The following ANKRD42 variants were observed in gnomAD, a reference collection of about 807,000 sequenced individuals.
ANKRD42 encodes ankyrin repeat domain-containing protein 42.
ANKRD42 carries 43 observed loss-of-function variants against 51.5 expected under a neutral mutation model. The ratio of observed to expected loss-of-function variants is 0.83; its 90% CI spans 0.65 to 1.08. ANKRD42 has a LOEUF of 1.08. ANKRD42 is among the 50% of genes least tolerant of loss of function. The pLI is 0.00. For synonymous variants in ANKRD42, 203 were observed against 213.0 expected, an observed-to-expected ratio of 0.95 and a Z score of 0.41; for missense variants, 608 against 629.3, an observed-to-expected ratio of 0.97 and a Z score of 0.36.
chr11:83,256,140 T>C (rs887681539), downstream of ANKRD42: 17 of 374,928 alleles, frequency 4.5e-5, no homozygotes, highest in African/African-American at 3.1e-4. Flanking sequence ...ATTCTTCTTA[T>C]ATATCTCTAC....
chr11:83,206,223 A>T, intron 3 of ANKRD42, 58 bp downstream of exon 3: 1 of 1,329,656 alleles, frequency 7.5e-7, no homozygotes, highest in Non-Finnish European at 1.1e-6. Context: ...CTGTTGGGAT[A>T]TTGCTATTAT....
At chr11:83,219,008 C>CT (rs1054989044) in intron 5 of ANKRD42, among the ~76,000 whole-genome samples, 2 of 152,144 alleles carry the variant, frequency 1.3e-5, no homozygotes, top group Non-Finnish European at 2.9e-5. Flanking sequence ...TTAGCCGCTT[C>CT]TTTTTTAAGG....
At chr11:83,253,560 T>C (rs1012973453), downstream of ANKRD42, among the ~76,000 whole-genome samples, 2 of 152,238 alleles carry the variant, frequency 1.3e-5, no homozygotes, top group African/African-American at 4.8e-5. Flanking sequence ...AGGATTTTTG[T>C]CTAATTTTGT....
intron 5 of ANKRD42, among the ~76,000 whole-genome samples, chr11:83,219,523 C>T (rs755302619): frequency 1.4e-4 from 21 of 152,138 alleles, no homozygotes; most frequent in Non-Finnish European, 5.9e-5. Context: ...TAGGCCAGGG[C>T]CAAGAGAACA....
At chr11:83,253,284 C>T (rs1205019553), downstream of ANKRD42, among the ~76,000 whole-genome samples, 1 of 152,118 alleles carries the variant, frequency 6.6e-6, no homozygotes, top group Non-Finnish European at 1.5e-5. Flanking sequence ...TTTGTTTATA[C>T]CCTACTTTTT....
At chr11:83,246,714 C>T (rs773780455) in intron 10 of ANKRD42, among the ~76,000 whole-genome samples, 4 of 152,190 alleles carry the variant, frequency 2.6e-5, no homozygotes, top group Non-Finnish European at 4.4e-5. Context: ...CTTTCCTCCA[C>T]CTGTTTCCAA....
downstream of ANKRD42, chr11:83,260,209 A>T (rs1021991198): frequency 9.2e-5 from 14 of 152,136 alleles, no homozygotes; most frequent in East Asian, 7.7e-4. Context: ...ACAAACCAAT[A>T]ATTTACTTGT....
In ANKRD42 at chr11:83,234,761, G is replaced by A. The variant is rs979611790; in HGVS notation, c.914-1643G>A. Among the ~76,000 whole-genome samples, 27 of 152,146 alleles carry A rather than the reference G, an allele frequency of 1.8e-4. 1 individual carries two copies. Among genetic ancestry groups the A allele is most frequent in the Non-Finnish European group, 8.8e-5 (6 of 68,040 alleles). On this transcript the variant is annotated intron_variant, in intron 7 of 10. Coordinates refer to ENST00000533342, the MANE Select transcript of ANKRD42 (RefSeq NM_001300975.2). The stretch of plus-strand genomic sequence containing the variant: ...GTCTAAAGTGGGGTTTTTAATAGAG[G>A]TCTGAGAAATCCTGAAGTTTCTGTG...
chr11:83,194,525 C>A lies in ANKRD42; in HGVS notation c.-146C>A, dbSNP rs1368739014. 4 of 770,906 alleles carry A rather than the reference C, an allele frequency of 5.2e-6. No individual in the cohort carries two copies. In the South Asian group the frequency reaches 5.8e-5, roughly 11 times the overall value. 47.8% of individuals were successfully genotyped at this position (770,906 alleles called of 1,614,324 possible). A position where few individuals can be genotyped will look rare whatever the true frequency, so the allele number is the denominator to read the frequency against. On this transcript the variant is annotated 5_prime_UTR_variant, in exon 1 of 11. Coordinates refer to ENST00000533342, the MANE Select transcript of ANKRD42 (RefSeq NM_001300975.2). ...TTCCGCTGCAGCTTCTGGGAGAGAG[C>A]AAGAGAGGACCTTGGGCCCCGTCCT... is the stretch of plus-strand genomic sequence containing the variant.
chr11:83,212,073 T>C (rs904255867), intron 5 of ANKRD42, among the ~76,000 whole-genome samples: 2 of 152,066 alleles, frequency 1.3e-5, no homozygotes, highest in East Asian at 3.9e-4. Context: ...AGACAACTTA[T>C]TTATTTTTAA....
At chr11:83,215,678 G>C (rs184642796) in intron 5 of ANKRD42, among the ~76,000 whole-genome samples, 69 of 152,170 alleles carry the variant, frequency 4.5e-4, no homozygotes, top group African/African-American at 1.4e-3. Flanking sequence ...AAGAGATGAC[G>C]ACTTACCTTA....
intron 1 of ANKRD42, among the ~76,000 whole-genome samples, chr11:83,194,936 T>A (rs1861579845): frequency 6.6e-6 from 1 of 152,208 alleles, no homozygotes; most frequent in Non-Finnish European, 1.5e-5. Context: ...CCATCCACAC[T>A]ATTCCTCCGA....
chr11:83,217,456 A>T (rs559010241), intron 5 of ANKRD42, among the ~76,000 whole-genome samples: 3 of 152,366 alleles, frequency 2.0e-5, no homozygotes, highest in African/African-American at 7.2e-5. Flanking sequence ...ACCAGGTTAC[A>T]GGCTGTCCTA....
intron 7 of ANKRD42, among the ~76,000 whole-genome samples, chr11:83,228,949 T>C (rs1219268947): frequency 2.5e-5 from 2 of 80,600 alleles, no homozygotes; most frequent in Non-Finnish European, 5.6e-5. Flanking sequence ...TTTTGTTTTT[T>C]TTTGTTTTTT....
chr11:83,232,175 A>G (rs1863092124), intron 7 of ANKRD42, among the ~76,000 whole-genome samples: 1 of 148,666 alleles, frequency 6.7e-6, no homozygotes, highest in Admixed American at 6.8e-5. Flanking sequence ...GAATCTGTAG[A>G]TTGTTTTGAG....
downstream of ANKRD42, chr11:83,261,818 T>C (rs1565204948): frequency 3.6e-6 from 3 of 843,444 alleles, no homozygotes; most frequent in South Asian, 1.6e-5. Flanking sequence ...TCTTGTGTAG[T>C]AAATTTTTGC....
At chr11:83,242,993 G>T (rs1863439653) in intron 9 of ANKRD42, among the ~76,000 whole-genome samples, 1 of 152,156 alleles carries the variant, frequency 6.6e-6, no homozygotes, top group Non-Finnish European at 1.5e-5. Context: ...TGTGAATATA[G>T]TATGAATATA....
chr11:83,238,711 T>G (rs12288736), intron 8 of ANKRD42, among the ~76,000 whole-genome samples: 1 of 151,876 alleles, frequency 6.6e-6, no homozygotes, highest in African/African-American at 2.4e-5. Context: ...TTGCCTGTAA[T>G]CCCAGCTACT....
At chr11:83,231,722 T>C (rs746984026) in intron 7 of ANKRD42, among the ~76,000 whole-genome samples, 1 of 152,236 alleles carries the variant, frequency 6.6e-6, no homozygotes, top group Non-Finnish European at 1.5e-5. Flanking sequence ...TTTGACTCGA[T>C]TTTTGTATAT....
Sources: allele counts gnomAD v4.1 joint callset (sites outside exome capture counted in the v4.1 genomes callset), GRCh38; gene constraint gnomAD v4.1.1; transcripts MANE v1.5; gene names NCBI Gene and HGNC (gene_info 2026-07-23, HGNC 2026-07-21).